PPIL6: variants seen among roughly 807,000 people sequenced by gnomAD.
PPIL6 encodes the protein peptidylprolyl isomerase like 6.
In PPIL6, 39 loss-of-function variants were observed where a neutral mutation model predicts 36.8. The observed-to-expected ratio is 1.06, with a 90% confidence interval of 0.82 to 1.38. The LOEUF is 1.38. PPIL6 is among the 40% of genes most tolerant of loss of function. PPIL6 has a pLI of 0.00. For synonymous variants in PPIL6, 123 were observed against 134.1 expected, an observed-to-expected ratio of 0.92 and a Z score of 0.57; for missense variants, 368 against 379.1, an observed-to-expected ratio of 0.97 and a Z score of 0.24.
chr6:109,438,309 C>T (rs564220157), intron 1 of PPIL6, among the ~76,000 whole-genome samples: 1 of 151,856 alleles, frequency 6.6e-6, no homozygotes, highest in East Asian at 1.9e-4. Flanking sequence ...TGGGCATCAC[C>T]GTGGCCCATG....
Position 109,400,189 on chromosome 6 carries a change from A to T in PPIL6, c.689-19T>A. 6.3e-7 allele frequency: 1 copy of T among 1,599,246 alleles called. No homozygotes were observed. The highest frequency in any genetic ancestry group is 2.2e-5 in the East Asian group (1 of 44,694). On this transcript the variant is annotated intron_variant, in intron 6 of 7. Transcript: ENST00000521072. ...TTTTCATCTAGGAAAGACAATAATC[A>T]GTAGGTCATTAGCACATTTCTATTA... is the stretch of plus-strand genomic sequence containing the variant.
chr6:109,398,692 A>G (rs1772400156), intron 7 of PPIL6, among the ~76,000 whole-genome samples: 1 of 152,216 alleles, frequency 6.6e-6, no homozygotes, highest in African/African-American at 2.4e-5. Context: ...AAAATCGTTC[A>G]GTAAAAAAAG....
intron 1 of PPIL6, among the ~76,000 whole-genome samples, chr6:109,437,422 G>A (rs1774505720): frequency 6.6e-6 from 1 of 152,164 alleles, no homozygotes; most frequent in Non-Finnish European, 1.5e-5. Context: ...GAATACTCAT[G>A]AAGAGGGCAA....
At chr6:109,440,831 C>G (rs1774825491), upstream of PPIL6, 4 of 401,652 alleles carry the variant, frequency 1.0e-5, no homozygotes, top group Non-Finnish European at 1.7e-5. Context: ...GGGGCGCTCT[C>G]CGGACCCCCA....
Position 109,420,330 on chromosome 6 carries a change from C to A in PPIL6, c.632-1087G>T, listed in dbSNP as rs542333670. 5.2e-3 allele frequency among the ~76,000 whole-genome samples: 230 copies of A among 43,834 alleles called. 1 individual carries two copies. Among genetic ancestry groups the A allele is most frequent in the Admixed American group, 0.021 (56 of 2,710 alleles). 28.8% of individuals were successfully genotyped at this position (43,834 alleles called of 152,430 possible). A position where few individuals can be genotyped will look rare whatever the true frequency, so the allele number is the denominator to read the frequency against. On this transcript the variant is annotated intron_variant, in intron 5 of 7. Transcript: ENST00000521072. Reference sequence around the variant, plus strand: ...CCTGGGCGACAGTGTGAGACTCCATCTCAAAAAAAAAAAAAAAAAAAAAAA... The same window carrying A: ...CCTGGGCGACAGTGTGAGACTCCATATCAAAAAAAAAAAAAAAAAAAAAAA...
rs577732475 is a variant in PPIL6, at chr6:109,437,862, A to G, written c.136-1663T>C. Among the ~76,000 whole-genome samples the G allele has an allele frequency of 1.2e-3, 183 of 151,986 alleles. 1 individual carries two copies. Among genetic ancestry groups the G allele is most frequent in the African/African-American group, 4.1e-3 (172 of 41,496 alleles). On this transcript the variant is annotated intron_variant, in intron 1 of 7. Coordinates refer to ENST00000521072, the MANE Select transcript of PPIL6 (RefSeq NM_173672.5). ...TGGGATTACAGGCGTGAGCCACCGC[A>G]CCTGGCCCGGTTGACTGCTATTTCT... is the stretch of plus-strand genomic sequence containing the variant.
rs190339860 is a variant in PPIL6, at chr6:109,431,878, T to C, written c.232-533A>G. Among the ~76,000 whole-genome samples, 4 of 152,380 alleles carry C rather than the reference T, an allele frequency of 2.6e-5. No homozygotes were observed. In the East Asian group the frequency reaches 5.8e-4, roughly 22 times the overall value. On this transcript the variant is annotated intron_variant, in intron 2 of 7. Coordinates refer to ENST00000521072, the MANE Select transcript of PPIL6 (RefSeq NM_173672.5). ...TTCTTCTGATTCATTCTTTTTTCTT[T>C]AAACACTTGAGCCTCTATTTTGTTC...
rs1015918104 is a variant in PPIL6 at position 109,440,548 on chromosome 6, C to A, written c.43G>T (p.Gly15Cys). ...GGCCGCTCCGGCAGCGACGGCGAGC[C>A]GCACCTAGCGTGCGGGGGCCCGCAC... ...QPCGPPHARC[G>C]SPSLPERPLQ... is the part of the protein sequence containing the mutation. Residue 15 changes from glycine to cysteine, a missense_variant, in exon 1 of 8, where the codon GGC becomes TGC. Gly to Cys is a radical substitution (Grantham distance 159, BLOSUM62 -3). Transcript: ENST00000521072. 8 of 1,481,370 alleles carry A rather than the reference C, an allele frequency of 5.4e-6. No individual in the cohort carries two copies. Among genetic ancestry groups the A allele is most frequent in the Non-Finnish European group, 7.2e-6 (8 of 1,117,968 alleles). The allele number at this position is 1,481,370 out of a possible 1,614,324, so 91.8% of individuals were successfully genotyped here.
Position 109,440,541 on chromosome 6 carries a change from G to A in PPIL6, c.50C>T (p.Pro17Leu), listed in dbSNP as rs766000276. ...CGPPHARCGS[P>L]SLPERPLQVK... is the part of the protein sequence containing the mutation. ...CTGCAGCGGCCGCTCCGGCAGCGAC[G>A]GCGAGCCGCACCTAGCGTGCGGGGG... Residue 17 changes from proline to leucine, a missense_variant, in exon 1 of 8, where the codon CCG (proline) becomes CTG (leucine). Transcript: ENST00000521072. 6.7e-7 allele frequency: 1 copy of A among 1,489,602 alleles called. No homozygotes were observed. Among genetic ancestry groups the A allele is most frequent in the Non-Finnish European group, 8.9e-7 (1 of 1,122,190 alleles). The allele number at this position is 1,489,602 out of a possible 1,614,324, so 92.3% of individuals were successfully genotyped here.
intron 6 of PPIL6, 91 bp downstream of exon 6, chr6:109,419,094 AGT>A: frequency 1.2e-6 from 1 of 819,110 alleles, no homozygotes; most frequent in Non-Finnish European, 2.1e-6. Flanking sequence ...TATTGCCCCC[AGT>A]GATATCTTAT....
Position 109,397,972 on chromosome 6 carries a change from A to T in PPIL6, c.824+2063T>A, listed in dbSNP as rs35148383. Among the ~76,000 whole-genome samples the T allele has an allele frequency of 4.2e-4, 64 of 151,592 alleles. No homozygotes were observed. In the South Asian group the frequency reaches 0.012, roughly 29 times the overall value. On this transcript the variant is annotated intron_variant, in intron 7 of 7. Transcript: ENST00000521072. ...AGTGGTGCGATCTCGGCTCACTGCA[A>T]CCTCCCCCTGCTGGGTTCAAGCAAT...
chr6:109,417,264 C>T (rs999694875), intron 6 of PPIL6, among the ~76,000 whole-genome samples: 2 of 151,866 alleles, frequency 1.3e-5, no homozygotes, highest in African/African-American at 4.8e-5. Flanking sequence ...GGCAGCTTCT[C>T]CAAAAAATGG....
chr6:109,441,047 G>T (rs1774844669), upstream of PPIL6: 1 of 1,501,614 alleles, frequency 6.7e-7, no homozygotes, highest in East Asian at 2.3e-5. Flanking sequence ...AGAAGGCGCC[G>T]CCGGCCGCCC....
intron 2 of PPIL6, among the ~76,000 whole-genome samples, chr6:109,432,602 C>T (rs943219492): frequency 4.6e-5 from 7 of 152,144 alleles, no homozygotes; most frequent in Non-Finnish European, 8.8e-5. Context: ...TATTCTGATT[C>T]TAGGATGGTG....
chr6:109,427,229 T>C, intron 3 of PPIL6, 73 bp from the exon 4 acceptor site: 1 of 902,512 alleles, frequency 1.1e-6, no homozygotes, highest in South Asian at 1.6e-5. Context: ...TGACCAAAAA[T>C]ACAGCAGATA....
chr6:109,403,728 T>C (rs775906402), intron 6 of PPIL6, among the ~76,000 whole-genome samples: 10 of 152,226 alleles, frequency 6.6e-5, no homozygotes, highest in Non-Finnish European at 1.2e-4. Context: ...AATTCGTTTA[T>C]AAAATGATAA....
chr6:109,427,257 A>C, intron 3 of PPIL6, 101 bp from the exon 4 acceptor site: 1 of 701,378 alleles, frequency 1.4e-6, no homozygotes, highest in South Asian at 2.0e-5. Context: ...TTTAGTGAAA[A>C]GATTTCAATA....
In PPIL6 at chr6:109,392,739, A is replaced by C. The variant is rs1772140439; in HGVS notation, c.*87T>G. 4.7e-6 allele frequency: 4 copies of C among 845,394 alleles called. No homozygotes were observed. In the Admixed American group the frequency reaches 9.6e-5, roughly 20 times the overall value. 52.4% of individuals were successfully genotyped at this position (845,394 alleles called of 1,614,324 possible). On this transcript the variant is annotated 3_prime_UTR_variant, in exon 8 of 8. Transcript: ENST00000521072. ...GTGTCTGCCACGGCTTTCAAATTACAATTTATCAAGTACTTTTTAATTAAA... is the reference window on the plus strand; with the variant it reads ...GTGTCTGCCACGGCTTTCAAATTACCATTTATCAAGTACTTTTTAATTAAA...
chr6:109,402,956 TAC>T, intron 6 of PPIL6: 1 of 946,804 alleles, frequency 1.1e-6, no homozygotes, highest in Non-Finnish European at 1.6e-6. Flanking sequence ...CATAAAGTAT[TAC>T]AAGACAAGGG....
Sources: gnomAD v4.1 joint callset for allele counts (sites outside exome capture counted in the v4.1 genomes callset) on GRCh38, gnomAD v4.1.1 for gene constraint, MANE v1.5 for transcripts, NCBI Gene and HGNC (gene_info 2026-07-23, HGNC 2026-07-21) for gene names.